The following STK26 variants were observed in gnomAD, a reference collection of about 807,000 sequenced individuals.
STK26 encodes serine/threonine kinase 26.
STK26 carries 14 observed loss-of-function variants against 34.7 expected under a neutral mutation model. The ratio of observed to expected loss-of-function variants is 0.40; its 90% CI spans 0.27 to 0.63. The LOEUF (loss-of-function observed/expected upper bound fraction) is 0.63. Ranked by LOEUF, STK26 falls within the 30% of genes least tolerant of loss-of-function variation. STK26 has a pLI of 0.38. For missense variants in STK26, 226 were observed against 309.1 expected, an observed-to-expected ratio of 0.73 and a Z score of 2.02; for synonymous variants, 100 against 109.8, an observed-to-expected ratio of 0.91 and a Z score of 0.56.
chrX:132,047,790 A>G (rs1926549952), intron 2 of STK26, among the ~76,000 whole-genome samples: 1 of 112,199 alleles, frequency 8.9e-6, no homozygotes, highest in Admixed American at 9.5e-5. Flanking sequence ...AATTATTAAA[A>G]AATTGCATCA....
intron 2 of STK26, 88 bp downstream of exon 2, chrX:132,023,747 G>C: frequency 1.9e-6 from 2 of 1,057,042 alleles, no homozygotes; most frequent in Non-Finnish European, 2.5e-6. Flanking sequence ...GACAAGGGAC[G>C]GCCCCAGGGC....
At chrX:132,049,207 A>G (rs1261536468) in intron 2 of STK26, among the ~76,000 whole-genome samples, 1 of 111,359 alleles carries the variant, frequency 9.0e-6, no homozygotes, top group Non-Finnish European at 1.9e-5. Flanking sequence ...CTTGTCTTGG[A>G]CTCAGCTGAG....
intron 2 of STK26, among the ~76,000 whole-genome samples, chrX:132,051,714 A>G: frequency 9.0e-6 from 1 of 110,596 alleles, no homozygotes; most frequent in South Asian, 3.9e-4. Context: ...CATCATTTAT[A>G]TTAGGTATTT....
intron 2 of STK26, among the ~76,000 whole-genome samples, chrX:132,036,462 G>T (rs1926053323): frequency 9.0e-6 from 1 of 111,403 alleles, no homozygotes; most frequent in African/African-American, 3.3e-5. Context: ...GGGTGTATTG[G>T]TGCACGCCTA....
rs764289150 is a variant in STK26, at chrX:132,071,204, G to A, written c.919G>A (p.Glu307Lys). The A allele has an allele frequency of 9.1e-6, 11 of 1,208,761 alleles. No individual in the cohort carries two copies. The South Asian group carries it at 1.6e-4, about 18-fold the overall frequency. ...EGHSDDESDSEGSDSESTSRE... is the reference protein window; with the variant it reads ...EGHSDDESDSKGSDSESTSRE... ...ACACAGTGATGATGAATCTGATTCCGAGGGCTCTGATTCGTATGTACAAAT... is the reference window on the plus strand; with the variant it reads ...ACACAGTGATGATGAATCTGATTCCAAGGGCTCTGATTCGTATGTACAAAT... Residue 307 changes from glutamate to lysine, a missense_variant, in exon 8 of 12, where the codon GAG (glutamate) becomes AAG (lysine). By Grantham distance (56) the Glu-to-Lys change is moderately conservative. Coordinates refer to ENST00000394334, the MANE Select transcript of STK26 (RefSeq NM_016542.4).
At chrX:132,071,009 TCC>T in intron 7 of STK26, 58 bp from the exon 8 acceptor site, 1 of 1,095,909 alleles carries the variant, frequency 9.1e-7, no homozygotes, top group Admixed American at 2.8e-5. Context: ...TTTTTACCAT[TCC>T]TTGTAATCAT....
At chrX:132,069,441 A>T in intron 6 of STK26, 37 bp from the exon 7 acceptor site, 1 of 144,035 alleles carries the variant, frequency 6.9e-6, no homozygotes, top group Non-Finnish European at 1.2e-5. Flanking sequence ...ATATATATAT[A>T]TATATATATA....
intron 2 of STK26, among the ~76,000 whole-genome samples, chrX:132,040,034 T>C (rs1926205026): frequency 1.8e-5 from 2 of 112,004 alleles, no homozygotes; most frequent in Admixed American, 9.5e-5. Context: ...GTAGCAGTGG[T>C]CAAACTACAT....
chrX:132,031,661 G>C (rs1026675871), intron 2 of STK26, among the ~76,000 whole-genome samples: 1 of 112,010 alleles, frequency 8.9e-6, no homozygotes, highest in Non-Finnish European at 1.9e-5. Flanking sequence ...GTACTGTCTT[G>C]TGTATACATA....
chrX:132,063,645 T>C (rs1927128901), intron 4 of STK26, among the ~76,000 whole-genome samples, 156 bp downstream of exon 4: 1 of 112,032 alleles, frequency 8.9e-6, no homozygotes, highest in African/African-American at 3.2e-5. Flanking sequence ...CTCTACCTTA[T>C]GTAGGTACAG....
At position 132,044,773 on chromosome X, in the gene STK26, A is replaced by ATC. The variant is rs1418470435; in HGVS notation, c.43-9856_43-9855dup. Among the ~76,000 whole-genome samples, 4 of 40,944 alleles carry ATC rather than the reference A, an allele frequency of 9.8e-5. 1 individual carries two copies. The highest frequency in any genetic ancestry group is 1.8e-4 in the Non-Finnish European group (4 of 22,633). The allele number at this position is 40,944 out of a possible 115,157, so 35.6% of individuals were successfully genotyped here. Reference sequence around the variant, plus strand: ...TATATATTTATATATATATAGAGAGATCTATATATATATTTATATATATAG... The same window carrying ATC: ...TATATATTTATATATATATAGAGAGATCTCTATATATATATTTATATATATAG... On this transcript the variant is annotated intron_variant, in intron 2 of 11. Coordinates refer to ENST00000394334, the MANE Select transcript of STK26 (RefSeq NM_016542.4).
At chrX:132,033,109 G>A (rs1356651636) in intron 2 of STK26, among the ~76,000 whole-genome samples, 1 of 111,162 alleles carries the variant, frequency 9.0e-6, no homozygotes, top group African/African-American at 3.3e-5. Context: ...ACAGAGCAGT[G>A]GGTGGTGGGG....
chrX:132,041,335 A>G (rs1458290647), intron 2 of STK26, among the ~76,000 whole-genome samples: 1 of 111,561 alleles, frequency 9.0e-6, no homozygotes, highest in African/African-American at 3.3e-5. Flanking sequence ...AAGGCAAGAA[A>G]TAACAAAGGG....
chrX:132,066,727 A>T (rs1007443696), intron 4 of STK26, among the ~76,000 whole-genome samples: 2 of 111,883 alleles, frequency 1.8e-5, no homozygotes, highest in African/African-American at 3.2e-5. Context: ...ATTTTTAAAA[A>T]CTTCTGTATT....
intron 3 of STK26, chrX:132,055,511 G>C (rs1271672125): frequency 8.7e-7 from 1 of 1,152,521 alleles, no homozygotes. Flanking sequence ...TTACTACATA[G>C]CAGAAAACTG....
chrX:132,074,922 T>G lies in STK26; in HGVS notation c.*763T>G, dbSNP rs1262497922. The G allele has an allele frequency of 1.8e-5, 2 of 111,915 alleles. No individual in the cohort carries two copies. Among genetic ancestry groups the G allele is most frequent in the African/African-American group, 6.5e-5 (2 of 30,795 alleles). The allele number at this position is 111,915 out of a possible 1,213,427, so 9.2% of individuals were successfully genotyped here. A position where few individuals can be genotyped will look rare whatever the true frequency, so the allele number is the denominator to read the frequency against. On this transcript the variant is annotated 3_prime_UTR_variant, in exon 12 of 12. Coordinates refer to ENST00000394334, the MANE Select transcript of STK26 (RefSeq NM_016542.4). ...TTTGGTAATGTTGAAGGAGTTAGTCTGGCTTCATGTTTTACATCTTCAACT... is the reference window on the plus strand; with the variant it reads ...TTTGGTAATGTTGAAGGAGTTAGTCGGGCTTCATGTTTTACATCTTCAACT...
At chrX:132,023,734 G>A (rs770477762) in intron 2 of STK26, 75 bp downstream of exon 2, 585 of 1,108,333 alleles carry the variant, frequency 5.3e-4, no homozygotes, top group Non-Finnish European at 6.8e-4. Context: ...GCTGGGCACC[G>A]GCGACAAGGG....
intron 3 of STK26, among the ~76,000 whole-genome samples, chrX:132,060,561 T>A (rs1288642498): frequency 9.0e-6 from 1 of 111,068 alleles, no homozygotes; most frequent in Non-Finnish European, 1.9e-5. Context: ...CACATTGATT[T>A]TGTGTTTTTT....
chrX:132,051,107 G>A (rs1405578511), intron 2 of STK26, among the ~76,000 whole-genome samples: 1 of 111,890 alleles, frequency 8.9e-6, no homozygotes, highest in Admixed American at 9.5e-5. Flanking sequence ...TGTTTCTGTG[G>A]TTTAAGTATC....
Sources: allele counts gnomAD v4.1 joint callset (sites outside exome capture counted in the v4.1 genomes callset), GRCh38; gene constraint gnomAD v4.1.1; transcripts MANE v1.5; gene names NCBI Gene and HGNC (gene_info 2026-07-23, HGNC 2026-07-21).